Variants in SND1 observed in about 807,000 individuals in gnomAD.
The protein encoded by SND1 is staphylococcal nuclease and tudor domain containing 1, also known as staphylococcal nuclease domain-containing protein 1.
Under a neutral mutation model 121.7 loss-of-function variants are expected in SND1, and 38 were observed. The observed-to-expected ratio is 0.31, with a 90% CI of 0.24 to 0.41. The LOEUF is 0.41. Ranked by LOEUF, SND1 falls within the 10% of genes least tolerant of loss-of-function variation. SND1 has a pLI of 1.00. For synonymous variants in SND1, 401 were observed against 447.4 expected (o/e 0.90, Z 1.31); for missense variants, 868 against 1,184.6 (o/e 0.73, Z 3.92).
intron 18 of SND1, 118 bp from the exon 19 acceptor site, chr7:128,084,606 C>T (rs764405587): frequency 1.8e-5 from 20 of 1,109,904 alleles, no homozygotes; most frequent in Non-Finnish European, 2.4e-5. Context: ...AGAGCCAGTG[C>T]TGCAGTGCCC....
chr7:127,726,999 G>A (rs1466630962), intron 10 of SND1, among the ~76,000 whole-genome samples: 3 of 152,170 alleles, frequency 2.0e-5, no homozygotes, highest in Admixed American at 2.0e-4. Flanking sequence ...CAAAGGTGGA[G>A]TCTTTCCCTC....
chr7:127,685,154 T>A (rs552903683), intron 1 of SND1, among the ~76,000 whole-genome samples: 1 of 152,326 alleles, frequency 6.6e-6, no homozygotes, highest in African/African-American at 2.4e-5. Context: ...TCTTATTCTT[T>A]AATTTGTACA....
chr7:127,973,166 A>T (rs1802038664), intron 15 of SND1, among the ~76,000 whole-genome samples: 1 of 152,194 alleles, frequency 6.6e-6, no homozygotes, highest in African/African-American at 2.4e-5. Context: ...GTAGAGCATG[A>T]GGAAGAGAGA....
chr7:127,770,172 T>G (rs993849610), intron 10 of SND1, among the ~76,000 whole-genome samples: 9 of 152,220 alleles, frequency 5.9e-5, no homozygotes, highest in African/African-American at 1.9e-4. Flanking sequence ...GATATTTCCT[T>G]AGCACAACTA....
At chr7:127,812,610 T>G (rs1249381696) in intron 11 of SND1, among the ~76,000 whole-genome samples, 1 of 152,140 alleles carries the variant, frequency 6.6e-6, no homozygotes, top group East Asian at 1.9e-4. Flanking sequence ...ACGGAGAAGT[T>G]GAGGGGCACT....
chr7:128,041,153 G>A (rs1031936094), intron 16 of SND1, among the ~76,000 whole-genome samples: 1 of 152,102 alleles, frequency 6.6e-6, no homozygotes, highest in African/African-American at 2.4e-5. Flanking sequence ...AGCGGAGGGG[G>A]CCCCGGTGCA....
chr7:127,936,758 G>A (rs1366540303), intron 15 of SND1, among the ~76,000 whole-genome samples: 1 of 152,012 alleles, frequency 6.6e-6, no homozygotes, highest in African/African-American at 2.4e-5. Context: ...TGTTGCCCAG[G>A]CTGGTCTTAG....
intron 13 of SND1, among the ~76,000 whole-genome samples, chr7:127,891,582 A>G (rs936493390): frequency 1.3e-5 from 2 of 152,018 alleles, no homozygotes; most frequent in Non-Finnish European, 2.9e-5. Flanking sequence ...TATGTTTTCT[A>G]GGTGAACTCT....
chr7:127,795,471 C>G (rs1027133247), intron 10 of SND1, among the ~76,000 whole-genome samples: 4 of 152,158 alleles, frequency 2.6e-5, no homozygotes, highest in Non-Finnish European at 5.9e-5. Flanking sequence ...TTTATTTTAG[C>G]GTTGAACTGT....
chr7:127,744,076 T>A (rs568331974), intron 10 of SND1, among the ~76,000 whole-genome samples: 1 of 152,350 alleles, frequency 6.6e-6, no homozygotes, highest in South Asian at 2.1e-4. Flanking sequence ...TTATAATATA[T>A]CTTTCATGAT....
At chr7:127,847,613 A>G (rs913858321) in intron 12 of SND1, among the ~76,000 whole-genome samples, 1 of 152,222 alleles carries the variant, frequency 6.6e-6, no homozygotes, top group Non-Finnish European at 1.5e-5. Flanking sequence ...ATAGAACCTT[A>G]TATTTTTGTG....
At chr7:127,948,216 C>T (rs1301231643) in intron 15 of SND1, among the ~76,000 whole-genome samples, 1 of 152,168 alleles carries the variant, frequency 6.6e-6, no homozygotes, top group Non-Finnish European at 1.5e-5. Flanking sequence ...TATCTGCCCC[C>T]ACTTCTCTGA....
At chr7:127,686,581 C>T (rs758950913) in intron 1 of SND1, 32 bp from the exon 2 acceptor site, 1 of 1,604,926 alleles carries the variant, frequency 6.2e-7, no homozygotes, top group East Asian at 2.2e-5. Flanking sequence ...GGCCTCTGGA[C>T]CATTCATTTT....
Position 128,054,786 on chromosome 7 carries a change from C to T in SND1, c.1780-19716C>T, listed in dbSNP as rs1474899745. ...CAATCATTTCCCAAGCTCACCTATGCCCATGAATACTTAATTTAAAACTTC... is the reference window on the plus strand; with the variant it reads ...CAATCATTTCCCAAGCTCACCTATGTCCATGAATACTTAATTTAAAACTTC... On this transcript the variant is annotated intron_variant, in intron 16 of 23. Coordinates refer to ENST00000354725, the MANE Select transcript of SND1 (RefSeq NM_014390.4). Among the ~76,000 whole-genome samples, 3 of 152,162 alleles carry T rather than the reference C, an allele frequency of 2.0e-5. No individual in the cohort carries two copies. The East Asian group carries it at 5.8e-4, about 29-fold the overall frequency.
chr7:127,657,318 G>C (rs964441023), intron 1 of SND1, among the ~76,000 whole-genome samples: 4 of 152,156 alleles, frequency 2.6e-5, no homozygotes, highest in Non-Finnish European at 5.9e-5. Context: ...AGAGTGGTTT[G>C]TAGTAAGGGA....
chr7:128,023,045 G>A (rs1285756057), intron 16 of SND1, among the ~76,000 whole-genome samples: 1 of 151,936 alleles, frequency 6.6e-6, no homozygotes, highest in African/African-American at 2.4e-5. Context: ...CATGAATTTC[G>A]CACTAACAGT....
At chr7:127,671,836 A>G (rs1335811366) in intron 1 of SND1, among the ~76,000 whole-genome samples, 3 of 152,226 alleles carry the variant, frequency 2.0e-5, no homozygotes, top group African/African-American at 7.2e-5. Flanking sequence ...TTCTTGTGCT[A>G]GGAATACTAG....
At chr7:127,833,674 G>T (rs1045100276) in intron 11 of SND1, among the ~76,000 whole-genome samples, 1 of 152,096 alleles carries the variant, frequency 6.6e-6, no homozygotes, top group African/African-American at 2.4e-5. Context: ...AGAACAGCCT[G>T]GGGGGTTGAG....
chr7:127,844,336 G>A lies in SND1; in HGVS notation c.1255G>A (p.Val419Met), dbSNP rs776602634. ...TCTTTGTTTCCAGGTCAATGTGACG[G>A]TGGACTACATTAGACCAGCCAGCCC... ...KLIGKKVNVT[V>M]DYIRPASPAT... Residue 419 changes from valine (V) to methionine (M), a missense_variant, in exon 12 of 24, where the codon GTG becomes ATG. This residue lies in a region of SND1 where 743 missense variants were observed against 1,071.3 expected (regional missense o/e 0.69). Coordinates refer to ENST00000354725, the MANE Select transcript of SND1 (RefSeq NM_014390.4). The A allele has an allele frequency of 6.2e-7, 1 of 1,612,826 alleles. No individual in the cohort carries two copies. The highest frequency in any genetic ancestry group is 8.5e-7 in the Non-Finnish European group (1 of 1,179,352).
Sources: allele counts gnomAD v4.1 joint callset (sites outside exome capture counted in the v4.1 genomes callset), GRCh38; gene constraint gnomAD v4.1.1; regional missense constraint gnomAD v4.1.1; transcripts MANE v1.5; gene names NCBI Gene and HGNC (gene_info 2026-07-23, HGNC 2026-07-21).